Variants in TMEFF2 observed in about 807,000 individuals in gnomAD.
TMEFF2 encodes tomoregulin-2.
In TMEFF2, 28 loss-of-function variants were observed where a neutral mutation model predicts 53.8. The observed-to-expected ratio is 0.52, with a 90% CI of 0.39 to 0.71. The LOEUF (loss-of-function observed/expected upper bound fraction) is 0.71, where lower values mean the gene tolerates loss of function less well. Ranked by LOEUF, TMEFF2 falls within the 30% of genes least tolerant of loss-of-function variation. The probability of loss-of-function intolerance (pLI) is 0.00; values close to 1 mark genes in which losing one functional copy is unlikely to be tolerated. For missense variants in TMEFF2, 353 were observed against 455.2 expected (o/e 0.78, Z 2.04); for synonymous variants, 162 against 166.3 (o/e 0.97, Z 0.20).
intron 4 of TMEFF2, among the ~76,000 whole-genome samples, chr2:192,140,596 C>T (rs1690114064): frequency 6.6e-6 from 1 of 151,848 alleles, no homozygotes; most frequent in South Asian, 2.1e-4. Context: ...AAAAACACAA[C>T]GTGGGGGTGA....
intron 5 of TMEFF2, among the ~76,000 whole-genome samples, chr2:192,000,010 T>G (rs2105837056): frequency 6.6e-6 from 1 of 152,128 alleles, no homozygotes; most frequent in East Asian, 1.9e-4. Flanking sequence ...AAATAAAAAT[T>G]CAGTGATTTA....
At position 192,087,115 on chromosome 2, in the gene TMEFF2, T is replaced by C. The variant is rs28720076; in HGVS notation, c.440-29340A>G. Reference sequence around the variant, plus strand: ...AAATATACTTATTTATACCCTACTCTGGGAAGGAGCTCCAGGAAAAAAATC... The same window carrying C: ...AAATATACTTATTTATACCCTACTCCGGGAAGGAGCTCCAGGAAAAAAATC... On this transcript the variant is annotated intron_variant, in intron 4 of 9. Transcript: ENST00000272771. Among the ~76,000 whole-genome samples the C allele has an allele frequency of 4.9e-3, 743 of 151,742 alleles. 13 individuals are homozygous for C. Among genetic ancestry groups the C allele is most frequent in the African/African-American group, 0.017 (715 of 41,456 alleles).
intron 5 of TMEFF2, among the ~76,000 whole-genome samples, chr2:192,002,673 T>C (rs752373727): frequency 8.6e-5 from 13 of 151,970 alleles, no homozygotes; most frequent in Non-Finnish European, 5.9e-5. Context: ...CTACTAAAAA[T>C]ACAAAAAGTA....
At chr2:192,086,493 T>C (rs1559120162) in intron 4 of TMEFF2, among the ~76,000 whole-genome samples, 1 of 152,142 alleles carries the variant, frequency 6.6e-6, no homozygotes, top group Non-Finnish European at 1.5e-5. Context: ...GTAATTCCCA[T>C]CTCTTTTGTT....
chr2:191,999,739 C>A (rs912159040), intron 5 of TMEFF2, among the ~76,000 whole-genome samples: 2 of 151,902 alleles, frequency 1.3e-5, no homozygotes, highest in Non-Finnish European at 2.9e-5. Context: ...AAGGACCAAT[C>A]TTCAATGGTC....
chr2:192,168,082 C>A (rs1240813764), intron 4 of TMEFF2, among the ~76,000 whole-genome samples: 1 of 152,016 alleles, frequency 6.6e-6, no homozygotes, highest in Non-Finnish European at 1.5e-5. Context: ...GATCTAGAAT[C>A]CCCATGGCAT....
In TMEFF2 at chr2:192,139,299, G is replaced by C. The variant is rs372197116; in HGVS notation, c.439+40369C>G. Among the ~76,000 whole-genome samples the C allele has an allele frequency of 2.0e-5, 3 of 152,240 alleles. No homozygotes were observed. In the East Asian group the frequency reaches 5.8e-4, roughly 29 times the overall value. On this transcript the variant is annotated intron_variant, in intron 4 of 9. Transcript: ENST00000272771. ...AAGTGATGAATATAATCATCGCTTG[G>C]GAACAATGATATATTGTTAAATGTG...
intron 4 of TMEFF2, among the ~76,000 whole-genome samples, chr2:192,069,788 C>T (rs961369492): frequency 2.6e-5 from 4 of 151,486 alleles, no homozygotes; most frequent in Non-Finnish European, 5.9e-5. Context: ...TAACAATGCT[C>T]TATTTAGAAC....
chr2:192,152,324 A>G (rs918610473), intron 4 of TMEFF2, among the ~76,000 whole-genome samples: 2 of 151,934 alleles, frequency 1.3e-5, no homozygotes, highest in Non-Finnish European at 2.9e-5. Context: ...ATGGTTTTCA[A>G]TTCACCAAAT....
chr2:191,981,792 C>T (rs568149629), intron 7 of TMEFF2, among the ~76,000 whole-genome samples: 2 of 152,170 alleles, frequency 1.3e-5, no homozygotes, highest in East Asian at 1.9e-4. Context: ...TTTATCAATC[C>T]TCATAAGGAA....
intron 7 of TMEFF2, among the ~76,000 whole-genome samples, chr2:191,984,062 A>G (rs1336568162): frequency 1.3e-5 from 2 of 152,178 alleles, no homozygotes; most frequent in Non-Finnish European, 2.9e-5. Flanking sequence ...TGAAAATATT[A>G]TGTTAATTAA....
chr2:192,057,919 T>C (rs79305372), intron 4 of TMEFF2, 144 bp from the exon 5 acceptor site: 1 of 628,842 alleles, frequency 1.6e-6, no homozygotes, highest in Non-Finnish European at 2.8e-6. Flanking sequence ...AAAGCAACTC[T>C]TTTTTTTCCT....
chr2:191,954,472 G>C (rs1559058368), intron 8 of TMEFF2, among the ~76,000 whole-genome samples: 1 of 152,070 alleles, frequency 6.6e-6, no homozygotes. Context: ...TCTGGAAGGT[G>C]AGCTTTACAT....
At chr2:191,995,461 G>T (rs1265770267) in intron 7 of TMEFF2, among the ~76,000 whole-genome samples, 2 of 152,016 alleles carry the variant, frequency 1.3e-5, no homozygotes, top group Non-Finnish European at 2.9e-5. Context: ...CATTAAATGA[G>T]CTGTGAGCAC....
chr2:192,036,863 C>T (rs1021959047), intron 5 of TMEFF2: 2 of 152,156 alleles, frequency 1.3e-5, no homozygotes, highest in African/African-American at 4.8e-5. Context: ...CTTAAATATC[C>T]AATCTTAAGT....
intron 7 of TMEFF2, among the ~76,000 whole-genome samples, chr2:191,983,931 T>C (rs1685915428): frequency 6.6e-6 from 1 of 152,196 alleles, no homozygotes; most frequent in African/African-American, 2.4e-5. Flanking sequence ...TATTGTTTGT[T>C]CAGCTTTTTA....
chr2:192,098,034 C>T (rs1245016540), intron 4 of TMEFF2, among the ~76,000 whole-genome samples: 1 of 152,110 alleles, frequency 6.6e-6, no homozygotes, highest in African/African-American at 2.4e-5. Context: ...GGTAAAATGT[C>T]GTGAATTCTG....
intron 7 of TMEFF2, among the ~76,000 whole-genome samples, chr2:191,959,692 TTAGA>T (rs1418005307): frequency 6.6e-6 from 1 of 152,150 alleles, no homozygotes; most frequent in African/African-American, 2.4e-5. Flanking sequence ...AAGATGTTGT[TTAGA>T]TAATTAATCT....
intron 4 of TMEFF2, among the ~76,000 whole-genome samples, chr2:192,094,197 A>T (rs1030395579): frequency 6.6e-6 from 1 of 152,186 alleles, no homozygotes; most frequent in Non-Finnish European, 1.5e-5. Flanking sequence ...GAAGTTTTTG[A>T]GTCTGTCAGC....
Sources: allele counts gnomAD v4.1 joint callset (sites outside exome capture counted in the v4.1 genomes callset), GRCh38; gene constraint gnomAD v4.1.1; transcripts MANE v1.5; gene names NCBI Gene and HGNC (gene_info 2026-07-23, HGNC 2026-07-21).